Variants in UMODL1 observed in about 807,000 individuals in gnomAD.
UMODL1 encodes uromodulin-like 1.
UMODL1 carries 128 observed loss-of-function variants against 136.3 expected under a neutral mutation model. The observed-to-expected ratio is 0.94, with a 90% CI of 0.81 to 1.09. UMODL1 has a LOEUF of 1.09. UMODL1 is among the 50% of genes least tolerant of loss of function. The pLI is 0.00. For missense variants in UMODL1, 1,766 were observed against 1,725.6 expected (o/e 1.02, Z -0.41); for synonymous variants, 721 against 720.0 (o/e 1.00, Z -0.02).
intron 1 of UMODL1, among the ~76,000 whole-genome samples, chr21:42,074,949 T>G (rs895096686): frequency 1.3e-5 from 2 of 152,022 alleles, no homozygotes; most frequent in African/African-American, 4.8e-5. Flanking sequence ...TCACCCAGGG[T>G]GGAGTGCAGT....
rs962533955 is a variant in UMODL1 at position 42,085,673 on chromosome 21, C to T, written c.603+261C>T. On this transcript the variant is annotated intron_variant, in intron 4 of 22. Transcript: ENST00000408910. This position sits in a 1 kb window ranked among gnomAD's most constrained non-coding sequence, Gnocchi z 4.5. ...TGTGTACCCTCATAGGCCCGCCTGTCGTGGTGGAGAACGCGGATCCCTAAG... is the reference window on the plus strand; with the variant it reads ...TGTGTACCCTCATAGGCCCGCCTGTTGTGGTGGAGAACGCGGATCCCTAAG... 5.9e-5 allele frequency among the ~76,000 whole-genome samples: 9 copies of T among 152,194 alleles called. No homozygotes were observed. Among genetic ancestry groups the T allele is most frequent in the Admixed American group, 3.9e-4 (6 of 15,286 alleles).
At position 42,127,543 on chromosome 21, in the gene UMODL1, G is replaced by A. The variant is rs542874373; in HGVS notation, c.3531-129G>A. On this transcript the variant is annotated intron_variant, in intron 19 of 22. Transcript: ENST00000408910. ...GTTTTGGGGAACAAATGAGGTGCCCGGTCCTCGACTTCCACGGAGCCTGTG... is the reference window on the plus strand; with the variant it reads ...GTTTTGGGGAACAAATGAGGTGCCCAGTCCTCGACTTCCACGGAGCCTGTG... The A allele has an allele frequency of 1.3e-5, 15 of 1,146,038 alleles. No individual in the cohort carries two copies. The Admixed American group carries it at 2.0e-4, about 15-fold the overall frequency. 71.0% of individuals were successfully genotyped at this position (1,146,038 alleles called of 1,614,324 possible). A position where few individuals can be genotyped will look rare whatever the true frequency, so the allele number is the denominator to read the frequency against.
In UMODL1 at chr21:42,127,816, A is replaced by G. The variant is rs2123369013; in HGVS notation, c.3675A>G (p.Gly1225=). The change falls in exon 20 of 23, where the codon GGA becomes GGG. Residue 1225 remains glycine, a synonymous_variant. Transcript: ENST00000408910. ...TCCGCGTCTGCATGGAATCCCCCGG[A>G]GCCACGTGCAAAATCGTAAGTGTTT... ...CKLRVCMESP[G]ATCKINCNNF... 1.2e-6 allele frequency: 2 copies of G among 1,612,212 alleles called. No individual in the cohort carries two copies. Among genetic ancestry groups the G allele is most frequent in the Non-Finnish European group, 1.7e-6 (2 of 1,179,534 alleles).
At position 42,126,403 on chromosome 21, in the gene UMODL1, T is replaced by A. The variant is rs201393975; in HGVS notation, c.3206T>A (p.Ile1069Asn). ...AGGAACGACCTGTCCCAGGAGGGCA[T>A]CATCCACCACCTGAAGATCCTGAGC... is the stretch of plus-strand genomic sequence containing the variant. The part of the protein sequence containing the change: ...TLRNDLSQEG[I>N]IHHLKILSPI... The change falls in exon 18 of 23, where the codon ATC becomes AAC. Residue 1069 changes from isoleucine to asparagine, a missense_variant. Transcript: ENST00000408910. 72 of 1,614,178 alleles carry A rather than the reference T, an allele frequency of 4.5e-5. No individual in the cohort carries two copies. The highest frequency in any genetic ancestry group is 3.3e-5 in the Admixed American group (2 of 60,028).
chr21:42,127,677 C>T lies in UMODL1; in HGVS notation c.3536C>T (p.Pro1179Leu), dbSNP rs766042779. The change falls in exon 20 of 23, where the codon CCT becomes CTT. Residue 1179 changes from proline (P) to leucine (L), a missense_variant. Transcript: ENST00000408910. ...CCCATTTCCTCTCTTCTCAGCTGCCCTGTGCCCAACACATACACCAACGTG... is the reference window on the plus strand; with the variant it reads ...CCCATTTCCTCTCTTCTCAGCTGCCTTGTGCCCAACACATACACCAACGTG... ...ITFSFINNSC[P>L]VPNTYTNVIE... The T allele has an allele frequency of 1.9e-6, 3 of 1,613,316 alleles. No homozygotes were observed. The African/African-American group carries it at 4.0e-5, about 22-fold the overall frequency.
chr21:42,126,877 G>C lies in UMODL1; in HGVS notation c.3294-129G>C, dbSNP rs2067063001. ...TGGCCTCCAAGTGCTCTCGTTTGGG[G>C]TTGAGGGGGTCTTCTCGTTCATTTG... On this transcript the variant is annotated intron_variant, in intron 18 of 22. Coordinates refer to ENST00000408910, the MANE Select transcript of UMODL1 (RefSeq NM_001004416.3). 3 of 835,180 alleles carry C rather than the reference G, an allele frequency of 3.6e-6. No homozygotes were observed. In the East Asian group the frequency reaches 7.3e-5, roughly 20 times the overall value. The allele number at this position is 835,180 out of a possible 1,614,324, so 51.7% of individuals were successfully genotyped here.
At chr21:42,095,032 G>GGTGGCTGCCGGCATTCCTTGGCTT (rs1328203516) in intron 6 of UMODL1, among the ~76,000 whole-genome samples, 4 of 149,776 alleles carry the variant, frequency 2.7e-5, no homozygotes, top group East Asian at 2.0e-4. Flanking sequence ...TCTGCCCTCT[G>GGTGGCTGCCGGCATTCCTTGGCTT]GTGGCTGCCG....
At position 42,142,677 on chromosome 21, in the gene UMODL1, CA is replaced by C. The variant is rs2067298741; in HGVS notation, c.*607del. On this transcript the variant is annotated 3_prime_UTR_variant, in exon 23 of 23. Coordinates refer to ENST00000408910, the MANE Select transcript of UMODL1 (RefSeq NM_001004416.3). ...TGCTTTTATTTACACGACAGCGACT[CA>C]AAAGGCACTCGATTAATGTGACAAC... 6.6e-6 allele frequency: 1 copy of C among 152,220 alleles called. No individual in the cohort carries two copies. The highest frequency in any genetic ancestry group is 2.1e-4 in the South Asian group (1 of 4,832). The allele number at this position is 152,220 out of a possible 1,614,324, so 9.4% of individuals were successfully genotyped here. A position where few individuals can be genotyped will look rare whatever the true frequency, so the allele number is the denominator to read the frequency against.
intron 21 of UMODL1, among the ~76,000 whole-genome samples, chr21:42,133,029 AG>A (rs2067154111): frequency 6.6e-6 from 1 of 152,266 alleles, no homozygotes; most frequent in Non-Finnish European, 1.5e-5. Flanking sequence ...TTCAAGAACA[AG>A]GACTGTAAAT....
In UMODL1 at chr21:42,111,543, C is replaced by T; in HGVS notation, c.1937C>T (p.Pro646Leu). ...GNSIMEPPSWPSPTEDPTGHF... is the reference protein window; with the variant it reads ...GNSIMEPPSWLSPTEDPTGHF... The stretch of plus-strand genomic sequence containing the variant: ...TCCATCATGGAGCCACCCTCCTGGC[C>T]TTCCCCTACTGAGGACCCCACCGGC... Residue 646 changes from proline (P) to leucine (L), a missense_variant, in exon 12 of 23, where the codon CCT becomes CTT. Physicochemically the swap from Pro to Leu is moderately conservative, Grantham distance 98. Coordinates refer to ENST00000408910, the MANE Select transcript of UMODL1 (RefSeq NM_001004416.3). 2 of 1,614,118 alleles carry T rather than the reference C, an allele frequency of 1.2e-6. No individual in the cohort carries two copies. The highest frequency in any genetic ancestry group is 1.7e-6 in the Non-Finnish European group (2 of 1,179,982).
At chr21:42,110,514 T>C (rs370762934) in intron 10 of UMODL1, among the ~76,000 whole-genome samples, 13 of 152,322 alleles carry the variant, frequency 8.5e-5, no homozygotes, top group East Asian at 5.8e-4. Flanking sequence ...AAGTCCCACA[T>C]TGAGCACAAA....
intron 6 of UMODL1, among the ~76,000 whole-genome samples, chr21:42,091,074 A>C (rs1009947007): frequency 6.6e-6 from 1 of 152,204 alleles, no homozygotes; most frequent in Non-Finnish European, 1.5e-5. Flanking sequence ...GGCACAGAAT[A>C]CACTTAGTTC....
intron 6 of UMODL1, among the ~76,000 whole-genome samples, chr21:42,097,318 TG>T (rs1181847273): frequency 6.6e-6 from 1 of 152,280 alleles, no homozygotes; most frequent in African/African-American, 2.4e-5. Flanking sequence ...GCTCATCTGC[TG>T]GGAGGTGGAG....
At chr21:42,109,196 A>G (rs35520919) in intron 9 of UMODL1, among the ~76,000 whole-genome samples, 47,638 of 149,838 alleles carry the variant, frequency 0.32, 7,878 homozygotes, top group African/African-American at 0.4. Flanking sequence ...TTACTTTCCT[A>G]TTTCTTGGTT....
At chr21:42,068,283 CG>C (rs2066199652), upstream of UMODL1, among the ~76,000 whole-genome samples, 1 of 152,166 alleles carries the variant, frequency 6.6e-6, no homozygotes, top group South Asian at 2.1e-4. The surrounding 1 kb of genome is among the most constrained non-coding windows in gnomAD (Gnocchi z 5.5). Flanking sequence ...ACCCGGATGC[CG>C]GGGGGCCTAT....
chr21:42,085,968 G>C lies in UMODL1; in HGVS notation c.603+556G>C, dbSNP rs919687104. 2.6e-5 allele frequency among the ~76,000 whole-genome samples: 4 copies of C among 152,196 alleles called. No homozygotes were observed. The highest frequency in any genetic ancestry group is 9.7e-5 in the African/African-American group (4 of 41,440). ...CAGACGTCGCCCACTGTCCCCTGGG[G>C]ATAAAAACAAACACCCTGGCTGACC... On this transcript the variant is annotated intron_variant, in intron 4 of 22. Transcript: ENST00000408910. The surrounding 1 kb of genome is among the most constrained non-coding windows in gnomAD (Gnocchi z 4.5).
At chr21:42,101,774 A>G (rs967211952) in intron 7 of UMODL1, 3 of 456,544 alleles carry the variant, frequency 6.6e-6, no homozygotes, top group Non-Finnish European at 8.8e-6. Flanking sequence ...GTTGGAACCC[A>G]TTGGTCACCC....
intron 9 of UMODL1, chr21:42,108,418 G>A (rs1458217774): frequency 1.0e-5 from 5 of 485,038 alleles, no homozygotes; most frequent in African/African-American, 2.0e-5. Flanking sequence ...GGCAGCTGAC[G>A]AGCTTGCTGT....
At chr21:42,117,905 A>G (rs1051633779) in intron 14 of UMODL1, among the ~76,000 whole-genome samples, 13 of 152,200 alleles carry the variant, frequency 8.5e-5, no homozygotes, top group Non-Finnish European at 1.8e-4. Context: ...TCCTCTTTGA[A>G]CCATTTCTTC....
Sources: gnomAD v4.1 joint callset for allele counts (sites outside exome capture counted in the v4.1 genomes callset) on GRCh38, gnomAD v4.1.1 for gene constraint, Gnocchi (gnomAD v3.1) non-coding constraint, MANE v1.5 for transcripts, NCBI Gene and HGNC (gene_info 2026-07-23, HGNC 2026-07-21) for gene names.